The following PTPRD variants were observed in gnomAD, a reference collection of about 807,000 sequenced individuals.
PTPRD encodes the protein receptor-type tyrosine-protein phosphatase delta.
In PTPRD, 34 loss-of-function variants were observed where a neutral mutation model predicts 214.5. The ratio of observed to expected loss-of-function variants is 0.16; its 90% CI spans 0.12 to 0.21. PTPRD has a LOEUF of 0.21. PTPRD is among the 10% of genes least tolerant of loss of function. The probability of loss-of-function intolerance (pLI) is 1.00; values close to 1 mark genes in which losing one functional copy is unlikely to be tolerated. For synonymous variants in PTPRD, 1,128 were observed against 845.7 expected (o/e 1.33, Z -5.79); for missense variants, 2,545 against 2,398.7 (o/e 1.06, Z -1.27).
At chr9:8,493,038 A>C in intron 26 of PTPRD, 59 bp from the exon 27 acceptor site, 1 of 1,407,140 alleles carries the variant, frequency 7.1e-7, no homozygotes, top group Non-Finnish European at 1.0e-6. Flanking sequence ...CTCTGGGGGA[A>C]AAACAAGGCC....
chr9:9,095,350 A>T (rs189334919), intron 10 of PTPRD, among the ~76,000 whole-genome samples: 1 of 152,208 alleles, frequency 6.6e-6, no homozygotes, highest in African/African-American at 2.4e-5. Context: ...TCTACATAGA[A>T]AATCTGAAGA....
intron 11 of PTPRD, among the ~76,000 whole-genome samples, chr9:8,870,805 C>T (rs2098285627): frequency 6.6e-6 from 1 of 151,678 alleles, no homozygotes; most frequent in Non-Finnish European, 1.5e-5. Flanking sequence ...GGGTGGAACC[C>T]TCAGATCACC....
At chr9:9,394,806 C>T (rs1379059041) in intron 9 of PTPRD, among the ~76,000 whole-genome samples, 1 of 151,944 alleles carries the variant, frequency 6.6e-6, no homozygotes, top group East Asian at 1.9e-4. Context: ...TTCCAAGCTC[C>T]ATTTTTGATT....
chr9:8,367,475 A>G (rs577213155), intron 39 of PTPRD, among the ~76,000 whole-genome samples: 226 of 152,300 alleles, frequency 1.5e-3, no homozygotes, highest in Middle Eastern at 6.8e-3. Context: ...GACGGCTCTC[A>G]TAGCCAAAAT....
chr9:9,900,097 C>G (rs944771382), intron 5 of PTPRD, among the ~76,000 whole-genome samples: 3 of 152,174 alleles, frequency 2.0e-5, no homozygotes, highest in African/African-American at 7.2e-5. Flanking sequence ...ATGCAAATCT[C>G]TCTAGCAAGT....
chr9:8,668,606 A>G (rs2097215217), intron 12 of PTPRD, among the ~76,000 whole-genome samples: 1 of 152,230 alleles, frequency 6.6e-6, no homozygotes, highest in African/African-American at 2.4e-5. Flanking sequence ...TTAAAATGTC[A>G]ATTATATAAA....
At chr9:9,249,406 CAG>C (rs1444659360) in intron 9 of PTPRD, among the ~76,000 whole-genome samples, 1 of 152,038 alleles carries the variant, frequency 6.6e-6, no homozygotes, top group Non-Finnish European at 1.5e-5. Flanking sequence ...GCAATGCAAA[CAG>C]ATGAACACAG....
chr9:9,022,367 G>GT (rs1219970328), intron 10 of PTPRD, among the ~76,000 whole-genome samples: 1 of 152,048 alleles, frequency 6.6e-6, no homozygotes, highest in Non-Finnish European at 1.5e-5. Context: ...TCCATTCATT[G>GT]TAAGTGTCCT....
chr9:8,350,763 TTTTA>T (rs796848218), intron 39 of PTPRD, among the ~76,000 whole-genome samples: 3 of 151,990 alleles, frequency 2.0e-5, no homozygotes, highest in African/African-American at 7.2e-5. Context: ...GCTGTCTAAC[TTTTA>T]TATATTACAA....
chr9:9,628,066 G>T (rs533514885), intron 7 of PTPRD, among the ~76,000 whole-genome samples: 146 of 152,182 alleles, frequency 9.6e-4, no homozygotes, highest in Non-Finnish European at 1.2e-4. Flanking sequence ...ATTTCCTTTG[G>T]TTAGTTTTCC....
intron 3 of PTPRD, among the ~76,000 whole-genome samples, chr9:10,310,495 A>C (rs1302681837): frequency 1.3e-5 from 2 of 152,030 alleles, no homozygotes; most frequent in Non-Finnish European, 2.9e-5. Context: ...GATAAATGGA[A>C]GGTTTAGGAA....
At chr9:9,152,176 C>CTTAG (rs2099877394) in intron 10 of PTPRD, among the ~76,000 whole-genome samples, 1 of 152,178 alleles carries the variant, frequency 6.6e-6, no homozygotes, top group Admixed American at 6.5e-5. Flanking sequence ...CTAATACTAA[C>CTTAG]TAGCTCCATG....
chr9:9,735,627 C>G (rs1394381436), intron 6 of PTPRD, among the ~76,000 whole-genome samples: 1 of 152,034 alleles, frequency 6.6e-6, no homozygotes, highest in Non-Finnish European at 1.5e-5. Context: ...TATTAATATT[C>G]CTTCTCTAGT....
chr9:8,461,370 T>A (rs2096396310), intron 32 of PTPRD, among the ~76,000 whole-genome samples: 2 of 152,100 alleles, frequency 1.3e-5, no homozygotes, highest in Admixed American at 6.6e-5. Flanking sequence ...AGAATACAGT[T>A]ACTTGGAGAA....
chr9:8,583,628 T>C (rs2093379620), intron 14 of PTPRD, among the ~76,000 whole-genome samples: 1 of 152,234 alleles, frequency 6.6e-6, no homozygotes, highest in South Asian at 2.1e-4. Context: ...CTATTTAACA[T>C]ATATGCACAT....
intron 10 of PTPRD, among the ~76,000 whole-genome samples, chr9:9,143,834 T>C (rs2099864150): frequency 1.3e-5 from 2 of 152,228 alleles, no homozygotes; most frequent in South Asian, 4.1e-4. Context: ...TTATAAAAAC[T>C]ACTAACTTGG....
At chr9:9,507,288 A>G (rs2096592511) in intron 8 of PTPRD, among the ~76,000 whole-genome samples, 1 of 151,392 alleles carries the variant, frequency 6.6e-6, no homozygotes, top group Admixed American at 6.6e-5. Context: ...ACAAAATTGC[A>G]GAAACTGGGA....
intron 11 of PTPRD, among the ~76,000 whole-genome samples, chr9:8,891,295 G>A (rs1208158769): frequency 6.6e-6 from 1 of 151,684 alleles, no homozygotes; most frequent in Non-Finnish European, 1.5e-5. Context: ...CACCACGCCT[G>A]GCTAATTTTT....
At chr9:9,438,921 C>A (rs1171288891) in intron 8 of PTPRD, among the ~76,000 whole-genome samples, 1 of 152,086 alleles carries the variant, frequency 6.6e-6, no homozygotes, top group African/African-American at 2.4e-5. Flanking sequence ...CGCTCTAGGA[C>A]AGCATTTAAA....
Sources: allele counts gnomAD v4.1 joint callset (sites outside exome capture counted in the v4.1 genomes callset), GRCh38; gene constraint gnomAD v4.1.1; transcripts MANE v1.5; gene names NCBI Gene and HGNC (gene_info 2026-07-23, HGNC 2026-07-21).